The following STK31 variants were observed in gnomAD, a reference collection of about 807,000 sequenced individuals.
The protein encoded by STK31 is serine/threonine-protein kinase 31.
A neutral mutation model predicts 129.7 loss-of-function variants in STK31; 89 were observed. The observed-to-expected ratio is 0.69, with a 90% CI of 0.58 to 0.82. The LOEUF (loss-of-function observed/expected upper bound fraction) is 0.82, where lower values mean the gene tolerates loss of function less well. Ranked by LOEUF, STK31 falls within the 40% of genes least tolerant of loss-of-function variation. STK31 has a pLI of 0.00. For missense variants in STK31, 1,187 were observed against 1,176.4 expected (o/e 1.01, Z -0.13); for synonymous variants, 448 against 395.3 (o/e 1.13, Z -1.58).
intron 19 of STK31, 98 bp from the exon 20 acceptor site, chr7:23,786,740 T>C: frequency 6.5e-7 from 1 of 1,546,154 alleles, no homozygotes; most frequent in Non-Finnish European, 8.8e-7. Flanking sequence ...TTCATTCCCC[T>C]TAACATAAAA....
intron 22 of STK31, among the ~76,000 whole-genome samples, chr7:23,808,943 TTG>T (rs1554297249): frequency 3.6e-4 from 30 of 84,404 alleles, no homozygotes; most frequent in Non-Finnish European, 6.6e-4. Context: ...CTTGGAGCTT[TTG>T]TGTGTGTGTG....
intron 23 of STK31, among the ~76,000 whole-genome samples, chr7:23,823,261 G>T (rs1027781069): frequency 6.6e-6 from 1 of 152,122 alleles, no homozygotes; most frequent in Non-Finnish European, 1.5e-5. Context: ...AGCACCTGTT[G>T]TTTCCTGACT....
intron 8 of STK31, among the ~76,000 whole-genome samples, chr7:23,742,952 CTTTT>C (rs56363240): frequency 1.2e-4 from 14 of 115,554 alleles, no homozygotes; most frequent in Non-Finnish European, 1.7e-4. Context: ...GGGTTTTATA[CTTTT>C]TTTTTTTTTT....
At chr7:23,829,379 C>G (rs529789667) in intron 23 of STK31, among the ~76,000 whole-genome samples, 1 of 152,056 alleles carries the variant, frequency 6.6e-6, no homozygotes, top group Admixed American at 6.6e-5. Context: ...CTATTGAGAT[C>G]GTTTGCCATA....
chr7:23,786,486 G>C, intron 18 of STK31, 22 bp from the exon 19 acceptor site: 1 of 1,572,678 alleles, frequency 6.4e-7, no homozygotes, highest in Non-Finnish European at 8.6e-7. Context: ...GGAATTACGA[G>C]TGCCTCTTTC....
chr7:23,779,310 TG>T (rs1431813945), intron 15 of STK31, among the ~76,000 whole-genome samples: 1 of 152,128 alleles, frequency 6.6e-6, no homozygotes, highest in Non-Finnish European at 1.5e-5. Flanking sequence ...GTCAGGAGGA[TG>T]GGGGTCAGGG....
At chr7:23,750,067 T>TTTCTCCCCC (rs1788611310) in intron 8 of STK31, among the ~76,000 whole-genome samples, 1 of 90,554 alleles carries the variant, frequency 1.1e-5, no homozygotes. Flanking sequence ...ATGGTTTGTT[T>TTTCTCCCCC]CCCCCCCCGC....
At chr7:23,812,950 T>A (rs1388841185) in intron 22 of STK31, among the ~76,000 whole-genome samples, 1 of 152,194 alleles carries the variant, frequency 6.6e-6, no homozygotes, top group Admixed American at 6.5e-5. Context: ...CCACCGTTTC[T>A]TTACTCACTC....
Position 23,752,740 on chromosome 7 carries a change from T to A in STK31, c.1041T>A (p.Asp347Glu), listed in dbSNP as rs768704602. The A allele has an allele frequency of 6.2e-7, 1 of 1,613,664 alleles. No homozygotes were observed. The highest frequency in any genetic ancestry group is 8.5e-7 in the Non-Finnish European group (1 of 1,179,756). ...AGCAAGAGAAGGCAGCTGCTGTGGA[T>A]TTGACTAACCACTTAGAATACACTC... ...ELQQEKAAAVDLTNHLEYTLK... is the reference protein window; with the variant it reads ...ELQQEKAAAVELTNHLEYTLK... The change falls in exon 9 of 24, where the codon GAT becomes GAA. Residue 347 changes from aspartate to glutamate, a missense_variant. Transcript: ENST00000355870.
At chr7:23,774,281 C>T (rs1029411790) in intron 15 of STK31, among the ~76,000 whole-genome samples, 4 of 152,096 alleles carry the variant, frequency 2.6e-5, no homozygotes, top group Admixed American at 2.6e-4. Flanking sequence ...ATTTATAATC[C>T]TTTGGGTATA....
At chr7:23,771,372 G>A (rs1204494653) in intron 14 of STK31, 2 of 272,748 alleles carry the variant, frequency 7.3e-6, no homozygotes, top group Non-Finnish European at 1.3e-5. Flanking sequence ...TGAGTCTACT[G>A]TAGATAATTT....
chr7:23,821,998 A>G (rs1344741996), intron 23 of STK31, among the ~76,000 whole-genome samples: 6 of 152,118 alleles, frequency 3.9e-5, no homozygotes, highest in African/African-American at 1.4e-4. Context: ...CTATAGGTGC[A>G]TATATCTATT....
intron 4 of STK31, chr7:23,721,247 A>G (rs552491839): frequency 8.3e-6 from 4 of 484,516 alleles, no homozygotes; most frequent in Admixed American, 7.5e-5. Flanking sequence ...AACTCCTAAC[A>G]AACGCTACAT....
At chr7:23,716,333 A>G (rs1786320319) in intron 3 of STK31, among the ~76,000 whole-genome samples, 1 of 152,154 alleles carries the variant, frequency 6.6e-6, no homozygotes, top group Non-Finnish European at 1.5e-5. Context: ...GGGTTTCATG[A>G]TGTGATATAC....
intron 22 of STK31, among the ~76,000 whole-genome samples, chr7:23,792,359 T>C (rs570993758): frequency 7.2e-4 from 110 of 152,276 alleles, no homozygotes; most frequent in African/African-American, 2.4e-3. Context: ...TTAAAAATCA[T>C]TTACAAAAGT....
intron 8 of STK31, among the ~76,000 whole-genome samples, chr7:23,740,765 G>A (rs948287325): frequency 2.0e-5 from 3 of 151,990 alleles, no homozygotes; most frequent in Admixed American, 6.6e-5. Context: ...TTGTCCTTGC[G>A]ATAGTTTGCT....
At chr7:23,828,632 A>G (rs530021827) in intron 23 of STK31, among the ~76,000 whole-genome samples, 3 of 152,212 alleles carry the variant, frequency 2.0e-5, no homozygotes, top group East Asian at 1.9e-4. Flanking sequence ...CCCCAGTGAG[A>G]TGAACCCGTT....
intron 22 of STK31, among the ~76,000 whole-genome samples, chr7:23,792,220 T>C (rs1791663098): frequency 6.6e-6 from 1 of 152,200 alleles, no homozygotes; most frequent in Non-Finnish European, 1.5e-5. Flanking sequence ...GATGACATGC[T>C]TAATTATGTA....
At chr7:23,754,767 G>T (rs1244868239) in intron 10 of STK31, among the ~76,000 whole-genome samples, 1 of 152,106 alleles carries the variant, frequency 6.6e-6, no homozygotes, top group Admixed American at 6.5e-5. Flanking sequence ...TTCTATTCTT[G>T]TGTTAGTTTG....
Sources: gnomAD v4.1 joint callset for allele counts (sites outside exome capture counted in the v4.1 genomes callset) on GRCh38, gnomAD v4.1.1 for gene constraint, MANE v1.5 for transcripts, NCBI Gene and HGNC (gene_info 2026-07-23, HGNC 2026-07-21) for gene names.